DLGAP1: variants seen among roughly 807,000 people sequenced by gnomAD.
The protein encoded by DLGAP1 is disks large-associated protein 1.
DLGAP1 carries 11 observed loss-of-function variants against 90.8 expected under a neutral mutation model. The ratio of observed to expected loss-of-function variants is 0.12; its 90% CI spans 0.08 to 0.20. DLGAP1 has a LOEUF of 0.20. Among genes scored for constraint, DLGAP1 ranks in the 10% least tolerant of loss-of-function variants. The pLI is 1.00. For missense variants in DLGAP1, 1,050 were observed against 1,333.8 expected, an observed-to-expected ratio of 0.79 and a Z score of 3.31; for synonymous variants, 558 against 540.7, an observed-to-expected ratio of 1.03 and a Z score of -0.44.
intron 9 of DLGAP1, 75 bp from the exon 10 acceptor site, chr18:3,534,690 CTTTCTT>C (rs1158187521): frequency 5.1e-6 from 6 of 1,174,348 alleles, no homozygotes; most frequent in South Asian, 1.7e-5. Flanking sequence ...TCCTTCCTTT[CTTTCTT>C]TTTTTTTTTT....
intron 1 of DLGAP1, among the ~76,000 whole-genome samples, chr18:4,434,388 A>AT (rs1243485707): frequency 6.6e-6 from 1 of 152,018 alleles, no homozygotes; most frequent in Non-Finnish European, 1.5e-5. Flanking sequence ...CCCTTGCCTT[A>AT]TTTTTTAGGT....
chr18:4,018,577 G>T (rs1019721667), intron 2 of DLGAP1, among the ~76,000 whole-genome samples: 1 of 152,214 alleles, frequency 6.6e-6, no homozygotes, highest in East Asian at 1.9e-4. Flanking sequence ...TTAGGAATGA[G>T]TACTTCCCAT....
At chr18:3,706,712 GA>G in intron 7 of DLGAP1, among the ~76,000 whole-genome samples, 1 of 152,262 alleles carries the variant, frequency 6.6e-6, no homozygotes, top group African/African-American at 2.4e-5. Flanking sequence ...GATGCAGAGA[GA>G]AACTGAAGAG....
chr18:3,954,565 A>T (rs995841533), intron 3 of DLGAP1, among the ~76,000 whole-genome samples: 8 of 152,226 alleles, frequency 5.3e-5, no homozygotes, highest in Non-Finnish European at 1.0e-4. Context: ...AAGTTATGTG[A>T]CTTATCTCTC....
intron 7 of DLGAP1, among the ~76,000 whole-genome samples, chr18:3,647,836 C>T (rs2059175131): frequency 6.6e-6 from 1 of 152,188 alleles, no homozygotes; most frequent in South Asian, 2.1e-4. Flanking sequence ...AAGTGTGGTA[C>T]AGACGGAGTA....
At chr18:3,850,659 A>C (rs1192618813) in intron 4 of DLGAP1, among the ~76,000 whole-genome samples, 3 of 152,186 alleles carry the variant, frequency 2.0e-5, no homozygotes, top group Non-Finnish European at 4.4e-5. Context: ...AGCTTTAAAG[A>C]AATATGTTCT....
chr18:3,535,439 G>A (rs764113372), intron 9 of DLGAP1, among the ~76,000 whole-genome samples: 2 of 152,192 alleles, frequency 1.3e-5, no homozygotes, highest in African/African-American at 2.4e-5. Context: ...CGGGCGTGGT[G>A]GCTCACGCCC....
At chr18:4,240,603 T>C (rs1462547908) in intron 1 of DLGAP1, among the ~76,000 whole-genome samples, 1 of 152,170 alleles carries the variant, frequency 6.6e-6, no homozygotes, top group African/African-American at 2.4e-5. Context: ...TTCCTATACA[T>C]AGATAACTAT....
At chr18:4,354,924 A>AAAAAAAAC (rs2081475841) in intron 1 of DLGAP1, among the ~76,000 whole-genome samples, 2 of 118,440 alleles carry the variant, frequency 1.7e-5, no homozygotes, top group Non-Finnish European at 3.4e-5. Context: ...AAAAAAAAAA[A>AAAAAAAAC]TCCTCTCTAC....
chr18:4,087,019 C>T (rs9953810), intron 2 of DLGAP1, among the ~76,000 whole-genome samples: 50,426 of 99,250 alleles, frequency 0.51, 14,106 homozygotes, highest in Non-Finnish European at 0.57. Context: ...TGAAGTCTAC[C>T]TTGTCTGAGA....
At chr18:3,876,047 C>T (rs1009928601) in intron 4 of DLGAP1, among the ~76,000 whole-genome samples, 6 of 151,126 alleles carry the variant, frequency 4.0e-5, no homozygotes, top group Non-Finnish European at 7.4e-5. Flanking sequence ...AAAAGAACTC[C>T]AAAGAAACCC....
chr18:4,194,133 C>G (rs901465612), intron 1 of DLGAP1, among the ~76,000 whole-genome samples: 1 of 152,078 alleles, frequency 6.6e-6, no homozygotes, highest in Non-Finnish European at 1.5e-5. Flanking sequence ...TAGTAGCCAA[C>G]AGTTGGTTTT....
chr18:4,181,146 G>A (rs2077201770), intron 1 of DLGAP1, among the ~76,000 whole-genome samples: 1 of 152,092 alleles, frequency 6.6e-6, no homozygotes, highest in Admixed American at 6.6e-5. Flanking sequence ...AGAGTCCTTT[G>A]ATCACATCCA....
Position 4,383,566 on chromosome 18 carries a change from A to G in DLGAP1, c.-267+71440T>C, listed in dbSNP as rs2082173204. Reference sequence around the variant, plus strand: ...AACAAGCTCTGTATGCACTTAGACAAAACCGAGTATCCTTGCTCATTAAAA... The same window carrying G: ...AACAAGCTCTGTATGCACTTAGACAGAACCGAGTATCCTTGCTCATTAAAA... On this transcript the variant is annotated intron_variant, in intron 1 of 12. Transcript: ENST00000315677. The surrounding 1 kb of genome is among the most constrained non-coding windows in gnomAD (Gnocchi z 4.0). Among the ~76,000 whole-genome samples, 1 of 152,120 alleles carries G rather than the reference A, an allele frequency of 6.6e-6. No individual in the cohort carries two copies. Among genetic ancestry groups the G allele is most frequent in the Admixed American group, 6.6e-5 (1 of 15,252 alleles).
intron 4 of DLGAP1, among the ~76,000 whole-genome samples, chr18:3,878,561 CG>C (rs1367196972): frequency 6.6e-6 from 1 of 152,182 alleles, no homozygotes; most frequent in African/African-American, 2.4e-5. Context: ...GGGCACAGGG[CG>C]TCTTCCTGAT....
intron 7 of DLGAP1, among the ~76,000 whole-genome samples, chr18:3,657,537 G>A (rs2059534406): frequency 6.6e-6 from 1 of 151,664 alleles, no homozygotes; most frequent in African/African-American, 2.4e-5. Flanking sequence ...CAGTCTATAA[G>A]TAACAATGAA....
At chr18:3,892,841 T>C (rs2071507699) in intron 3 of DLGAP1, among the ~76,000 whole-genome samples, 1 of 147,650 alleles carries the variant, frequency 6.8e-6, no homozygotes, top group Admixed American at 6.6e-5. Context: ...CCATATTTTG[T>C]TCAAATCTAA....
In DLGAP1 at chr18:4,378,489, T is replaced by C. The variant is rs915473036; in HGVS notation, c.-267+76517A>G. Among the ~76,000 whole-genome samples, 1 of 152,140 alleles carries C rather than the reference T, an allele frequency of 6.6e-6. No individual in the cohort carries two copies. The highest frequency in any genetic ancestry group is 2.4e-5 in the African/African-American group (1 of 41,444). On this transcript the variant is annotated intron_variant, in intron 1 of 12. Coordinates refer to ENST00000315677, the MANE Select transcript of DLGAP1 (RefSeq NM_004746.4). This position sits in a 1 kb window ranked among gnomAD's most constrained non-coding sequence, Gnocchi z 4.5. ...GAGGTAGGTTTGATTGTCTTATTGG[T>C]AAGTAGGTTTGATACCTTGAGACGA...
intron 7 of DLGAP1, among the ~76,000 whole-genome samples, chr18:3,680,784 G>A (rs1166501783): frequency 4.3e-4 from 40 of 93,700 alleles, no homozygotes; most frequent in African/African-American, 2.5e-3. Flanking sequence ...GCGAGACTCC[G>A]TCTCAAAAAA....
Sources: allele counts gnomAD v4.1 joint callset (sites outside exome capture counted in the v4.1 genomes callset), GRCh38; gene constraint gnomAD v4.1.1; non-coding constraint Gnocchi (gnomAD v3.1); transcripts MANE v1.5; gene names NCBI Gene and HGNC (gene_info 2026-07-23, HGNC 2026-07-21).